Variants in MST1 observed in about 807,000 individuals in gnomAD.
MST1 encodes hepatocyte growth factor-like protein.
Under a neutral mutation model 100.1 loss-of-function variants are expected in MST1, and 76 were observed. That is an observed-to-expected ratio of 0.76 (90% CI 0.63 to 0.92). The LOEUF is 0.92. Among genes scored for constraint, MST1 ranks in the 40% least tolerant of loss-of-function variants. MST1 has a pLI of 0.00. For synonymous variants in MST1, 352 were observed against 385.4 expected, an observed-to-expected ratio of 0.91 and a Z score of 1.01; for missense variants, 850 against 990.0, an observed-to-expected ratio of 0.86 and a Z score of 1.90.
Position 49,684,032 on chromosome 3 carries a change from C to T in MST1, c.2174G>A (p.Gly725Asp). 1 of 1,612,928 alleles carries T rather than the reference C, an allele frequency of 6.2e-7. No homozygotes were observed. The highest frequency in any genetic ancestry group is 8.5e-7 in the Non-Finnish European group (1 of 1,179,482). Residue 725 changes from glycine to aspartate, a missense_variant, in exon 18 of 18, where the codon GGT (glycine) becomes GAT (aspartate). Coordinates refer to ENST00000449682, the MANE Select transcript of MST1 (RefSeq NM_020998.4). ...CATATGGCATCAAGGCTGGGCCTAA[C>T]CCAGTCTCATGACCTTGTGAATCCA... Reference protein sequence around the residue: ...VDWIHKVMRLG With the variant: ...VDWIHKVMRLD
chr3:49,687,002 C>G lies in MST1; in HGVS notation c.673G>C (p.Glu225Gln), dbSNP rs759690515. 25 of 1,611,224 alleles carry G rather than the reference C, an allele frequency of 1.6e-5. No individual in the cohort carries two copies. Among genetic ancestry groups the G allele is most frequent in the African/African-American group, 4.0e-5 (3 of 74,894 alleles). The change falls in exon 6 of 18, where the codon GAG becomes CAG. Residue 225 changes from glutamate to glutamine, a missense_variant. By Grantham distance (29) the Glu-to-Gln change is conservative. Around this residue, in one of 2 missense-constraint regions of MST1, gnomAD observed 816 missense variants for 924.6 expected, o/e 0.88. Transcript: ENST00000449682. ...GAVDRTESGR[E>Q]CQRWDLQHPH... ...TGCTGAAGATCCCAGCGCTGGCACT[C>G]GCGCCCTGACTCCGTGCGGTCTACC...
chr3:49,687,739 T>A lies in MST1; in HGVS notation c.242+11A>T, dbSNP rs373626144. 1.9e-6 allele frequency: 3 copies of A among 1,613,418 alleles called. No individual in the cohort carries two copies. The highest frequency in any genetic ancestry group is 2.5e-6 in the Non-Finnish European group (3 of 1,179,870). On this transcript the variant is annotated intron_variant, in intron 2 of 17. Coordinates refer to ENST00000449682, the MANE Select transcript of MST1 (RefSeq NM_020998.4). ...TGCCCCCAGTCTTATCTAGGCCCAG[T>A]GGCCACTCACCGGCAGTCCATTAAG...
rs766022694 is a variant in MST1 at position 49,687,290 on chromosome 3, G to A, written c.471-5C>T. ...TTCCGGAGAGTGGGCGTGTACCTGA[G>A]GGCCCAGAGCATCACTATAGTGTGT... On this transcript the variant is annotated splice_region_variant and splice_polypyrimidine_tract_variant and intron_variant, in intron 4 of 17. Coordinates refer to ENST00000449682, the MANE Select transcript of MST1 (RefSeq NM_020998.4). The A allele has an allele frequency of 6.2e-7, 1 of 1,613,518 alleles. No individual in the cohort carries two copies. The highest frequency in any genetic ancestry group is 8.5e-7 in the Non-Finnish European group (1 of 1,179,870).
rs768583817 is a variant in MST1, at chr3:49,685,282, C to A, written c.1524G>T (p.Trp508Cys). The A allele has an allele frequency of 8.1e-6, 13 of 1,613,394 alleles. No individual in the cohort carries two copies. Among genetic ancestry groups the A allele is most frequent in the Non-Finnish European group, 9.3e-6 (11 of 1,179,844 alleles). Residue 508 changes from tryptophan to cysteine, a missense_variant, in exon 13 of 18, where the codon TGG becomes TGT. Around this residue, in one of 2 missense-constraint regions of MST1, gnomAD observed 816 missense variants for 924.6 expected, o/e 0.88. Coordinates refer to ENST00000449682, the MANE Select transcript of MST1 (RefSeq NM_020998.4). ...CTCACCGATTCCGCAAGCTGACTGT[C>A]CAGGGTGAGTTGCCCGGATGGCCCC... Reference protein sequence around the residue: ...VVGGHPGNSPWTVSLRNRQGQ... With the variant: ...VVGGHPGNSPCTVSLRNRQGQ...
intron 6 of MST1, 72 bp downstream of exon 6, chr3:49,686,875 C>T (rs2053808589): frequency 6.2e-6 from 10 of 1,611,886 alleles, no homozygotes; most frequent in Non-Finnish European, 7.6e-6. Context: ...TTGCCCTACA[C>T]GGAGCCCTGC....
In MST1 at chr3:49,688,038, A is replaced by G. The variant is rs943888311; in HGVS notation, c.95-141T>C. The G allele has an allele frequency of 5.3e-5, 69 of 1,301,008 alleles. No individual in the cohort carries two copies. In the Admixed American group the frequency reaches 1.7e-3, roughly 31 times the overall value. The allele number at this position is 1,301,008 out of a possible 1,614,324, so 80.6% of individuals were successfully genotyped here. A position where few individuals can be genotyped will look rare whatever the true frequency, so the allele number is the denominator to read the frequency against. On this transcript the variant is annotated intron_variant, in intron 1 of 17. Transcript: ENST00000449682. ...GACCCTGTATGCACTTTCAAGGGCC[A>G]GTCTAGCCCCCTGCACAGATACTTG... is the stretch of plus-strand genomic sequence containing the variant.
Position 49,686,765 on chromosome 3 carries a change from T to C in MST1, c.766A>G (p.Asn256Asp). The change falls in exon 7 of 18, where the codon AAT (asparagine) becomes GAT (aspartate). Residue 256 changes from asparagine (N) to aspartate (D), a missense_variant. Around this residue, in one of 2 missense-constraint regions of MST1, gnomAD observed 816 missense variants for 924.6 expected, o/e 0.88. Transcript: ENST00000449682. ...CATGGCCGCTCGGAGCCGTCAGGAT[T>C]CCGGCAATAGTTGTCGTCCAGACCT... ...DQGLDDNYCR[N>D]PDGSERPWCY... is the part of the protein sequence containing the mutation. 6.2e-7 allele frequency: 1 copy of C among 1,610,602 alleles called. No individual in the cohort carries two copies. The highest frequency in any genetic ancestry group is 8.5e-7 in the Non-Finnish European group (1 of 1,179,218).
rs142358513 is a variant in MST1, at chr3:49,687,831, G to A, written c.161C>T (p.Ala54Val). The A allele has an allele frequency of 1.6e-4, 259 of 1,613,562 alleles. No individual in the cohort carries two copies. The highest frequency in any genetic ancestry group is 2.1e-4 in the Non-Finnish European group (245 of 1,179,856). The change falls in exon 2 of 18, where the codon GCG becomes GTG. Residue 54 changes from alanine (A) to valine (V), a missense_variant. Coordinates refer to ENST00000449682, the MANE Select transcript of MST1 (RefSeq NM_020998.4). ...RGTELQHLLH[A>V]VVPGPWQEDV... is the part of the protein sequence containing the mutation. ...CTCCTGCCAAGGCCCGGGCACCACC[G>A]CATGTAGCAGGTGCTGTAGCTCTGT...
At chr3:49,688,430 G>T (rs1288852590) in intron 1 of MST1, 168 bp downstream of exon 1, 9 of 615,290 alleles carry the variant, frequency 1.5e-5, no homozygotes, top group Non-Finnish European at 2.6e-5. Context: ...GCCTAAGTGG[G>T]CAATGTCTAT....
chr3:49,686,289 G>GCCCCACCCCCCCCC, intron 8 of MST1, 24 bp downstream of exon 8: 3 of 1,235,666 alleles, frequency 2.4e-6, no homozygotes, highest in Non-Finnish European at 2.1e-6. Context: ...ACGTCCCAAC[G>GCCCCACCCCCCCCC]CCCGCCCCCC....
Position 49,685,035 on chromosome 3 carries a change from A to G in MST1, c.1599T>C (p.Thr533=), listed in dbSNP as rs572177192. ...ACCAGGAGGAGAAGCACTGCCGGGCAGTCAGTATCCACTGCTCCTTCACTA... is the reference window on the plus strand; with the variant it reads ...ACCAGGAGGAGAAGCACTGCCGGGCGGTCAGTATCCACTGCTCCTTCACTA... ...GSLVKEQWIL[T]ARQCFSSCHM... Residue 533 remains threonine (T), a synonymous_variant, in exon 14 of 18, where the codon ACT becomes ACC. Transcript: ENST00000449682. The G allele has an allele frequency of 5.2e-5, 84 of 1,611,642 alleles. No individual in the cohort carries two copies. The highest frequency in any genetic ancestry group is 6.5e-5 in the Non-Finnish European group (77 of 1,179,114).
At position 49,686,404 on chromosome 3, in the gene MST1, C is replaced by T. The variant is rs767205759; in HGVS notation, c.925G>A (p.Ala309Thr). The change falls in exon 8 of 18, where the codon GCC becomes ACC. Residue 309 changes from alanine to threonine, a missense_variant. This residue lies in a region of MST1 where 816 missense variants were observed against 924.6 expected (regional missense o/e 0.88). Coordinates refer to ENST00000449682, the MANE Select transcript of MST1 (RefSeq NM_020998.4). ...RGKGEGYRGTANTTTAGVPCQ... is the reference protein window; with the variant it reads ...RGKGEGYRGTTNTTTAGVPCQ... ...GGTACGCCCGCAGTGGTGGTATTGG[C>T]TGTGCCCCGGTAGCCCTCACCCTTC... 5 of 1,611,148 alleles carry T rather than the reference C, an allele frequency of 3.1e-6. No individual in the cohort carries two copies. Among genetic ancestry groups the T allele is most frequent in the East Asian group, 2.2e-5 (1 of 44,736 alleles).
Position 49,686,984 on chromosome 3 carries a change from G to A in MST1, c.691C>T (p.Leu231Phe). The A allele has an allele frequency of 1.2e-6, 2 of 1,611,242 alleles. No homozygotes were observed. Among genetic ancestry groups the A allele is most frequent in the Non-Finnish European group, 1.7e-6 (2 of 1,179,764 alleles). ...ESGRECQRWD[L>F]QHPHQHPFEP... ...AAGGGGTGCTGGTGCGGGTGCTGAAGATCCCAGCGCTGGCACTCGCGCCCT... is the reference window on the plus strand; with the variant it reads ...AAGGGGTGCTGGTGCGGGTGCTGAAAATCCCAGCGCTGGCACTCGCGCCCT... The change falls in exon 6 of 18, where the codon CTT becomes TTT. Residue 231 changes from leucine (L) to phenylalanine (F), a missense_variant. Leu to Phe is a conservative substitution (Grantham distance 22). Around this residue, in one of 2 missense-constraint regions of MST1, gnomAD observed 816 missense variants for 924.6 expected, o/e 0.88. Transcript: ENST00000449682.
In MST1 at chr3:49,687,208, C is replaced by A. The variant is rs750203674; in HGVS notation, c.548G>T (p.Cys183Phe). The change falls in exon 5 of 18, where the codon TGC becomes TTC. Residue 183 changes from cysteine (C) to phenylalanine (F), a missense_variant. This residue lies in a region of MST1 where 816 missense variants were observed against 924.6 expected (regional missense o/e 0.88). Transcript: ENST00000449682. Reference protein sequence around the residue: ...NPDGDPGGPWCYTTDPAVRFQ... With the variant: ...NPDGDPGGPWFYTTDPAVRFQ... ...GCGCACAGCAGGGTCTGTTGTGTAG[C>A]ACCAAGGACCTCCGGGGTCGCCATC... 2.7e-5 allele frequency: 44 copies of A among 1,613,310 alleles called. No homozygotes were observed. Among genetic ancestry groups the A allele is most frequent in the Non-Finnish European group, 3.4e-5 (40 of 1,179,890 alleles).
chr3:49,685,188 C>T, intron 13 of MST1, 74 bp downstream of exon 13: 1 of 1,603,508 alleles, frequency 6.2e-7, no homozygotes. Flanking sequence ...GATAGATTCC[C>T]AGCCCCCAGT....
At position 49,688,744 on chromosome 3, in the gene MST1, C is replaced by T. The variant is rs1239592884; in HGVS notation, c.-53G>A. 8.9e-6 allele frequency: 13 copies of T among 1,460,018 alleles called. No homozygotes were observed. The African/African-American group carries it at 1.4e-4, about 15-fold the overall frequency. The allele number at this position is 1,460,018 out of a possible 1,614,324, so 90.4% of individuals were successfully genotyped here. ...GGGATTGGGTGGCTCTGGCTCCACA[C>T]GTCAGCTCAGGGCCTGCTGGACCCT... On this transcript the variant is annotated 5_prime_UTR_variant, in exon 1 of 18. In the 5' UTR this introduces an upstream ATG that the reference lacks. Coordinates refer to ENST00000449682, the MANE Select transcript of MST1 (RefSeq NM_020998.4).
rs1173090947 is a variant in MST1 at position 49,687,659 on chromosome 3, G to T, written c.252C>A (p.His84Gln). 7 of 1,613,474 alleles carry T rather than the reference G, an allele frequency of 4.3e-6. No homozygotes were observed. The South Asian group carries it at 6.6e-5, about 15-fold the overall frequency. ...GGCAACCATGGCTGCTCACGTTGTAGTGGAAGGCCCTGGAGAGAAGAAGGC... is the reference window on the plus strand; with the variant it reads ...GGCAACCATGGCTGCTCACGTTGTATTGGAAGGCCCTGGAGAGAAGAAGGC... ...CGPLMDCRAF[H>Q]YNVSSHGCQL... The change falls in exon 3 of 18, where the codon CAC becomes CAA. Residue 84 changes from histidine to glutamine, a missense_variant. Physicochemically the swap from His to Gln is conservative, Grantham distance 24. This residue lies in a region of MST1 where 816 missense variants were observed against 924.6 expected (regional missense o/e 0.88). Transcript: ENST00000449682.
At position 49,687,473 on chromosome 3, in the gene MST1, C is replaced by G. The variant is rs2876714; in HGVS notation, c.361G>C (p.Val121Leu). 2.1e-5 allele frequency: 34 copies of G among 1,613,500 alleles called. No individual in the cohort carries two copies. The East Asian group carries it at 6.7e-4, about 32-fold the overall frequency. ...RCDLFQKKDY[V>L]RTCIMNNGVG... is the part of the protein sequence containing the mutation. The stretch of plus-strand genomic sequence containing the variant: ...CCATTGTTCATGATGCAGGTCCGTA[C>G]GTAGTCTGGGAGCAAGAGACAGAAG... The change falls in exon 4 of 18, where the codon GTA becomes CTA. Residue 121 changes from valine to leucine, a missense_variant. Coordinates refer to ENST00000449682, the MANE Select transcript of MST1 (RefSeq NM_020998.4).
At position 49,684,378 on chromosome 3, in the gene MST1, C is replaced by T. The variant is rs138155786; in HGVS notation, c.1952G>A (p.Arg651Gln). 130 of 1,613,228 alleles carry T rather than the reference C, an allele frequency of 8.1e-5. No homozygotes were observed. The Admixed American group carries it at 1.1e-3, about 14-fold the overall frequency. The change falls in exon 17 of 18, where the codon CGA becomes CAA. Residue 651 changes from arginine (R) to glutamine (Q), a missense_variant. By Grantham distance (43) the Arg-to-Gln change is conservative (BLOSUM62 1). This residue lies in a region of MST1 where 816 missense variants were observed against 924.6 expected (regional missense o/e 0.88). Transcript: ENST00000449682. ...CATCTCACTCTCCCGCACACGTCCT[C>T]GGTGCTTGATGTTACACTCCTGGTT... ...ISNQECNIKH[R>Q]GRVRESEMCT...
Sources: gnomAD v4.1 joint callset for allele counts on GRCh38, gnomAD v4.1.1 for gene constraint, gnomAD v4.1.1 regional missense constraint, MANE v1.5 for transcripts, NCBI Gene and HGNC (gene_info 2026-07-23, HGNC 2026-07-21) for gene names.